The following KIAA0319L variants were observed in gnomAD, a reference collection of about 807,000 sequenced individuals.
KIAA0319L encodes the protein KIAA0319 like.
In KIAA0319L, 55 loss-of-function variants were observed where a neutral mutation model predicts 120.1. The observed-to-expected ratio is 0.46, with a 90% CI of 0.37 to 0.57. The LOEUF is 0.57. Ranked by LOEUF, KIAA0319L falls within the 20% of genes least tolerant of loss-of-function variation. KIAA0319L has a pLI of 0.00. For synonymous variants in KIAA0319L, 398 were observed against 471.9 expected (o/e 0.84, Z 2.03); for missense variants, 1,049 against 1,255.3 (o/e 0.84, Z 2.48).
At chr1:35,523,307 T>C (rs1384435839) in intron 2 of KIAA0319L, among the ~76,000 whole-genome samples, 1 of 152,220 alleles carries the variant, frequency 6.6e-6, no homozygotes, top group Non-Finnish European at 1.5e-5. Context: ...AGGACCATGT[T>C]TGGTTTTCCA....
intron 10 of KIAA0319L, among the ~76,000 whole-genome samples, chr1:35,455,576 T>A (rs940797122): frequency 0.042 from 5,466 of 128,954 alleles, 176 homozygotes; most frequent in East Asian, 0.21. Context: ...TAAGATAATT[T>A]TTTTTTTTTT....
chr1:35,484,031 T>G (rs1398788675), intron 3 of KIAA0319L, among the ~76,000 whole-genome samples: 2 of 152,160 alleles, frequency 1.3e-5, no homozygotes, highest in African/African-American at 4.8e-5. Context: ...GTCATTATAT[T>G]AAGGGCCCAC....
chr1:35,442,101 G>A (rs548221545), intron 19 of KIAA0319L, 145 bp downstream of exon 19: 16 of 682,628 alleles, frequency 2.3e-5, no homozygotes, highest in Admixed American at 1.2e-4. Flanking sequence ...AAAGCTGCCC[G>A]TGCATGCCTT....
chr1:35,434,829 T>A lies in KIAA0319L; in HGVS notation c.*65A>T. ...GCTGGGACAGCAGCTGCCCGCAGACTCGGGAGGTAGGAGGACTGGCCGGGC... is the reference window on the plus strand; with the variant it reads ...GCTGGGACAGCAGCTGCCCGCAGACACGGGAGGTAGGAGGACTGGCCGGGC... On this transcript the variant is annotated 3_prime_UTR_variant, in exon 21 of 21. Transcript: ENST00000325722. The A allele has an allele frequency of 7.0e-7, 1 of 1,427,806 alleles. No individual in the cohort carries two copies. The highest frequency in any genetic ancestry group is 9.6e-7 in the Non-Finnish European group (1 of 1,041,886). 88.4% of individuals were successfully genotyped at this position (1,427,806 alleles called of 1,614,324 possible).
At chr1:35,489,799 TGA>T (rs1347242396) in intron 3 of KIAA0319L, among the ~76,000 whole-genome samples, 2 of 151,748 alleles carry the variant, frequency 1.3e-5, no homozygotes, top group African/African-American at 4.8e-5. Context: ...CCCAAATAGC[TGA>T]GATTACAGGC....
In KIAA0319L at chr1:35,449,989, G is replaced by C; in HGVS notation, c.2231C>G (p.Ser744Cys). The change falls in exon 15 of 21, where the codon TCT becomes TGT. Residue 744 changes from serine (S) to cysteine (C), a missense_variant. Transcript: ENST00000325722. ...AAGAAAAAGGATAGGGTGATGGTCA[G>C]AGTGATTTAACACCTCCTGTAGGGT... Reference protein sequence around the residue: ...SPAAGEVLNHSDHHPILFLSN... With the variant: ...SPAAGEVLNHCDHHPILFLSN... 6.2e-7 allele frequency: 1 copy of C among 1,614,172 alleles called. No individual in the cohort carries two copies. The highest frequency in any genetic ancestry group is 1.7e-5 in the Admixed American group (1 of 60,030).
chr1:35,462,088 C>A (rs1441798925), intron 8 of KIAA0319L, among the ~76,000 whole-genome samples: 1 of 152,200 alleles, frequency 6.6e-6, no homozygotes, highest in Non-Finnish European at 1.5e-5. Flanking sequence ...GACCCAAAAT[C>A]CTCTCATGTC....
intron 2 of KIAA0319L, among the ~76,000 whole-genome samples, chr1:35,548,038 T>C (rs980714430): frequency 6.6e-5 from 10 of 151,940 alleles, no homozygotes; most frequent in Non-Finnish European, 1.5e-4. Flanking sequence ...GGAGAATTGC[T>C]TGAACCCTGG....
intron 2 of KIAA0319L, chr1:35,510,588 T>C (rs963269350): frequency 2.5e-5 from 2 of 81,516 alleles, no homozygotes; most frequent in Admixed American, 3.3e-4. Context: ...TTAAAAACAT[T>C]TATTTATTTA....
chr1:35,520,004 C>T (rs1486668238), intron 2 of KIAA0319L, among the ~76,000 whole-genome samples: 1 of 152,206 alleles, frequency 6.6e-6, no homozygotes, highest in Non-Finnish European at 1.5e-5. Flanking sequence ...GGTCTCCATT[C>T]TTATCAGCAG....
intron 3 of KIAA0319L, among the ~76,000 whole-genome samples, chr1:35,480,397 C>T (rs1233402553): frequency 1.3e-5 from 2 of 152,160 alleles, no homozygotes; most frequent in African/African-American, 2.4e-5. Context: ...AGAAGTAAGG[C>T]AATAGCAGGA....
At chr1:35,464,690 T>C (rs1483461340) in intron 7 of KIAA0319L, among the ~76,000 whole-genome samples, 2 of 152,182 alleles carry the variant, frequency 1.3e-5, no homozygotes, top group Admixed American at 6.5e-5. Context: ...AAAATGTCTC[T>C]AGGGCATGTG....
At chr1:35,495,100 C>T (rs549531535) in intron 3 of KIAA0319L, among the ~76,000 whole-genome samples, 95 of 152,086 alleles carry the variant, frequency 6.2e-4, no homozygotes, top group Admixed American at 8.5e-4. Flanking sequence ...TAGCCAGGTG[C>T]GGTGGCTCAT....
At chr1:35,554,575 G>A in intron 1 of KIAA0319L, 56 bp from the exon 2 acceptor site, 18 of 1,200,488 alleles carry the variant, frequency 1.5e-5, no homozygotes, top group Non-Finnish European at 2.0e-5. Flanking sequence ...ATTAATTCCT[G>A]GAAATGTGGA....
chr1:35,489,795 T>G (rs1440979711), intron 3 of KIAA0319L, among the ~76,000 whole-genome samples: 1 of 151,386 alleles, frequency 6.6e-6, no homozygotes, highest in Non-Finnish European at 1.5e-5. Context: ...GCCTCCCAAA[T>G]AGCTGAGATT....
At chr1:35,477,377 CAAT>C (rs1402045886) in intron 4 of KIAA0319L, among the ~76,000 whole-genome samples, 2 of 152,104 alleles carry the variant, frequency 1.3e-5, no homozygotes, top group African/African-American at 4.8e-5. Flanking sequence ...ATAAAAACTA[CAAT>C]GAGATGGCCG....
At chr1:35,470,814 C>G (rs1185833644) in intron 6 of KIAA0319L, 49 bp downstream of exon 6, 4 of 1,096,728 alleles carry the variant, frequency 3.6e-6, no homozygotes, top group East Asian at 2.4e-5. Flanking sequence ...TTTTAGAAAA[C>G]AGTCAACTCC....
rs188331509 is a variant in KIAA0319L, at chr1:35,528,899, A to G, written c.143-21764T>C. Among the ~76,000 whole-genome samples, 64 of 152,280 alleles carry G rather than the reference A, an allele frequency of 4.2e-4. 1 individual carries two copies. The highest frequency in any genetic ancestry group is 1.5e-3 in the African/African-American group (64 of 41,546). On this transcript the variant is annotated intron_variant, in intron 2 of 20. Transcript: ENST00000325722. ...CTGGTTTTGACTTAAAGTCTGTTTTACCTGATACAAGTAAAGCTATTCCTG... is the reference window on the plus strand; with the variant it reads ...CTGGTTTTGACTTAAAGTCTGTTTTGCCTGATACAAGTAAAGCTATTCCTG...
chr1:35,501,273 ACTGTCAGAT>A (rs1204832390), intron 3 of KIAA0319L, among the ~76,000 whole-genome samples: 1 of 152,206 alleles, frequency 6.6e-6, no homozygotes, highest in African/African-American at 2.4e-5. Flanking sequence ...CCTCCAGGAG[ACTGTCAGAT>A]CTAAATCTAC....
Sources: allele counts gnomAD v4.1 joint callset (sites outside exome capture counted in the v4.1 genomes callset), GRCh38; gene constraint gnomAD v4.1.1; transcripts MANE v1.5; gene names NCBI Gene and HGNC (gene_info 2026-07-23, HGNC 2026-07-21).